NRG1: variants seen among roughly 807,000 people sequenced by gnomAD.
NRG1 encodes the protein pro-neuregulin-1, membrane-bound isoform.
In NRG1, 18 loss-of-function variants were observed where a neutral mutation model predicts 63.8. The observed-to-expected ratio is 0.28, with a 90% confidence interval of 0.19 to 0.42. The LOEUF (loss-of-function observed/expected upper bound fraction) is 0.42. Ranked by LOEUF, NRG1 falls within the 10% of genes least tolerant of loss-of-function variation. The pLI is 1.00. For synonymous variants in NRG1, 302 were observed against 301.3 expected, an observed-to-expected ratio of 1.00 and a Z score of -0.02; for missense variants, 762 against 814.7, an observed-to-expected ratio of 0.94 and a Z score of 0.79.
At chr8:32,549,250 T>C (rs4733129) in intron 1 of NRG1, among the ~76,000 whole-genome samples, 59,605 of 152,208 alleles carry the variant, frequency 0.39, 12,758 homozygotes, top group Admixed American at 0.49. Flanking sequence ...AACGCTGGAA[T>C]GGGCCGCCTG....
intron 1 of NRG1, among the ~76,000 whole-genome samples, chr8:32,255,566 T>TA (rs1404411256): frequency 1.1e-4 from 17 of 152,230 alleles, no homozygotes; most frequent in Non-Finnish European, 1.0e-4. Flanking sequence ...ATTCCTCTGT[T>TA]AGTCTTGGAC....
At chr8:31,804,250 T>G (rs1478479760) in intron 1 of NRG1, among the ~76,000 whole-genome samples, 1 of 152,204 alleles carries the variant, frequency 6.6e-6, no homozygotes, top group African/African-American at 2.4e-5. Context: ...CTGGCCTCTG[T>G]GTAGAGTTTC....
chr8:32,179,840 T>C (rs73576625), intron 1 of NRG1, among the ~76,000 whole-genome samples: 1,985 of 152,318 alleles, frequency 0.013, 52 homozygotes, highest in African/African-American at 0.045. Flanking sequence ...GTATTTAGTT[T>C]CTACTTTTTG....
chr8:32,554,981 A>G (rs1012170870), intron 1 of NRG1, among the ~76,000 whole-genome samples: 10 of 151,826 alleles, frequency 6.6e-5, no homozygotes, highest in Non-Finnish European at 1.5e-4. Flanking sequence ...GGAAGAACAG[A>G]GTCCCGATTC....
chr8:32,711,578 T>C (rs1204252588), intron 5 of NRG1, among the ~76,000 whole-genome samples: 1 of 152,204 alleles, frequency 6.6e-6, no homozygotes, highest in Non-Finnish European at 1.5e-5. Flanking sequence ...TATGAAGTTA[T>C]GCTGTAATGT....
At chr8:32,519,708 G>T (rs1018114806) in intron 1 of NRG1, among the ~76,000 whole-genome samples, 2 of 152,132 alleles carry the variant, frequency 1.3e-5, no homozygotes, top group Admixed American at 6.5e-5. Context: ...TAATACAGGA[G>T]ATTCCAGGAT....
intron 1 of NRG1, among the ~76,000 whole-genome samples, chr8:32,156,895 C>A (rs1334517723): frequency 6.6e-6 from 1 of 152,130 alleles, no homozygotes; most frequent in African/African-American, 2.4e-5. Flanking sequence ...TGTGATCACA[C>A]CACTGTAGTC....
intron 1 of NRG1, among the ~76,000 whole-genome samples, chr8:32,446,872 G>C (rs1487354569): frequency 6.6e-6 from 1 of 151,962 alleles, no homozygotes; most frequent in Non-Finnish European, 1.5e-5. Flanking sequence ...AGAAGTTTAG[G>C]GTCAGGAAGG....
In NRG1 at chr8:32,412,419, T is replaced by TA. The variant is rs1296553344; in HGVS notation, c.38-183409_38-183408insA. Among the ~76,000 whole-genome samples, 115 of 111,520 alleles carry TA rather than the reference T, an allele frequency of 1.0e-3. 5 individuals are homozygous for TA. The highest frequency in any genetic ancestry group is 4.3e-3 in the Middle Eastern group (1 of 234). 73.2% of individuals were successfully genotyped at this position (111,520 alleles called of 152,430 possible). On this transcript the variant is annotated intron_variant, in intron 1 of 10. Coordinates refer to the NRG1 transcript ENST00000519301. ...TCTCTCCTCTCTCTCTCTCTCTCTC[T>TA]CTACATATATATATATATATATATA... is the stretch of plus-strand genomic sequence containing the variant.
At chr8:32,320,898 G>C (rs544569683) in intron 1 of NRG1, among the ~76,000 whole-genome samples, 2 of 152,126 alleles carry the variant, frequency 1.3e-5, no homozygotes, top group African/African-American at 4.8e-5. Flanking sequence ...TTGGTGTAAA[G>C]GTAGGTCAGA....
At chr8:32,013,553 G>A (rs1420468884) in intron 1 of NRG1, among the ~76,000 whole-genome samples, 1 of 152,098 alleles carries the variant, frequency 6.6e-6, no homozygotes, top group East Asian at 1.9e-4. Flanking sequence ...GGCCTCCACA[G>A]AGAACCACCA....
chr8:32,745,675 G>GGTGTGTGTGTGTGTGT (rs139114923), intron 7 of NRG1, among the ~76,000 whole-genome samples: 1 of 151,182 alleles, frequency 6.6e-6, no homozygotes, highest in Non-Finnish European at 1.5e-5. Flanking sequence ...GTGTGTGGGG[G>GGTGTGTGTGTGTGTGT]GTGTGTGTGT....
intron 1 of NRG1, among the ~76,000 whole-genome samples, chr8:31,731,494 G>C (rs572856579): frequency 6.6e-6 from 1 of 151,264 alleles, no homozygotes; most frequent in Non-Finnish European, 1.5e-5. Flanking sequence ...TTTTACACAT[G>C]GAGAGATATA....
Position 32,535,658 on chromosome 8 carries a change from T to C in NRG1, c.38-60170T>C, listed in dbSNP as rs114810972. On this transcript the variant is annotated intron_variant, in intron 1 of 10. Transcript: ENST00000519301. ...CAGGATGATCTACAAATAGAGGAGA[T>C]TGAATTTCCAAATGAGGTTTGATCA... 4.1e-3 allele frequency among the ~76,000 whole-genome samples: 623 copies of C among 152,312 alleles called. 6 individuals are homozygous for C. The highest frequency in any genetic ancestry group is 0.015 in the African/African-American group (603 of 41,550).
intron 1 of NRG1, among the ~76,000 whole-genome samples, chr8:31,705,326 G>T (rs1811046384): frequency 6.6e-6 from 1 of 152,030 alleles, no homozygotes; most frequent in Admixed American, 6.6e-5. Context: ...GATTACAGGC[G>T]TGAGCCACCG....
intron 1 of NRG1, among the ~76,000 whole-genome samples, chr8:32,204,828 T>C (rs984926664): frequency 2.0e-5 from 3 of 152,194 alleles, no homozygotes; most frequent in Admixed American, 6.5e-5. Flanking sequence ...AATCCCTCAT[T>C]TAGAAATTGA....
rs544742694 is a variant in NRG1 at position 32,270,053 on chromosome 8, G to A, written c.38-325775G>A. Among the ~76,000 whole-genome samples, 8 of 152,188 alleles carry A rather than the reference G, an allele frequency of 5.3e-5. No homozygotes were observed. In the South Asian group the frequency reaches 1.0e-3, roughly 20 times the overall value. ...ACGTAACCATCCACAAATAACTTAC[G>A]AATACCCATAATAAACACAGAATCC... On this transcript the variant is annotated intron_variant, in intron 1 of 10. Transcript: ENST00000519301.
rs1269202710 is a variant in NRG1 at position 32,159,520 on chromosome 8, G to A, written c.38-436308G>A. 4.4e-5 allele frequency among the ~76,000 whole-genome samples: 6 copies of A among 134,956 alleles called. No homozygotes were observed. In the East Asian group the frequency reaches 1.3e-3, roughly 28 times the overall value. 88.5% of individuals were successfully genotyped at this position (134,956 alleles called of 152,430 possible). On this transcript the variant is annotated intron_variant, in intron 1 of 10. Transcript: ENST00000519301. ...CTGCAGTCCGCAGTCCGGCCTGGGC[G>A]ACAGAGCGAGACTCCGTCTCAAAAA...
chr8:31,675,217 G>C (rs4400342), intron 1 of NRG1, among the ~76,000 whole-genome samples: 143,096 of 152,238 alleles, frequency 0.94, 67,869 homozygotes, highest in East Asian at 1. Context: ...TGGTGGACAC[G>C]TGTAATCCCA....
Sources: gnomAD v4.1 joint callset for allele counts (sites outside exome capture counted in the v4.1 genomes callset) on GRCh38, gnomAD v4.1.1 for gene constraint, MANE v1.5 for transcripts, NCBI Gene and HGNC (gene_info 2026-07-23, HGNC 2026-07-21) for gene names.